Variants in TAS2R1 observed in about 807,000 individuals in gnomAD.
The protein encoded by TAS2R1 is taste 2 receptor member 1.
For missense variants in TAS2R1, 370 were observed against 353.4 expected (o/e 1.05, Z -0.38); for synonymous variants, 141 against 134.2 (o/e 1.05, Z -0.35).
upstream of TAS2R1, among the ~76,000 whole-genome samples, chr5:9,634,294 G>C (rs143759205): frequency 7.2e-3 from 1,091 of 152,120 alleles, 20 homozygotes; most frequent in African/African-American, 0.025. Context: ...TGTTCCATTG[G>C]TCTATGTGCC....
At chr5:9,814,567 A>G in the TAS2R1 span, among the ~76,000 whole-genome samples, 1 of 152,204 alleles carries the variant, frequency 6.6e-6, no homozygotes, top group Non-Finnish European at 1.5e-5. Context: ...GCATTTGTCT[A>G]CAAATGCAAG....
the TAS2R1 span, among the ~76,000 whole-genome samples, chr5:9,818,749 C>A: frequency 0.024 from 3,639 of 152,272 alleles, 60 homozygotes; most frequent in Non-Finnish European, 0.037. Flanking sequence ...CATCCTGGAC[C>A]CAAGGGGTGG....
At chr5:9,776,417 T>C in the TAS2R1 span, among the ~76,000 whole-genome samples, 642 of 152,294 alleles carry the variant, frequency 4.2e-3, 5 homozygotes, top group African/African-American at 0.015. Context: ...GTGTGATCGC[T>C]CCTGTGACTT....
chr5:9,836,665 T>C, the TAS2R1 span, among the ~76,000 whole-genome samples: 9,120 of 152,210 alleles, frequency 0.06, 651 homozygotes, highest in East Asian at 0.23. Flanking sequence ...AGTGAGATAA[T>C]AGTAGAATTA....
the TAS2R1 span, among the ~76,000 whole-genome samples, chr5:9,761,995 C>T: frequency 6.6e-6 from 1 of 152,160 alleles, no homozygotes; most frequent in East Asian, 1.9e-4. Flanking sequence ...GTCATGGCGT[C>T]CCCACGAGCC....
the TAS2R1 span, among the ~76,000 whole-genome samples, chr5:9,790,909 G>A: frequency 9.9e-5 from 15 of 152,174 alleles, no homozygotes; most frequent in East Asian, 2.3e-3. Flanking sequence ...CAAAGTGCTG[G>A]GATTACAGGC....
the TAS2R1 span, among the ~76,000 whole-genome samples, chr5:9,851,820 A>G: frequency 6.6e-6 from 1 of 152,188 alleles, no homozygotes; most frequent in Non-Finnish European, 1.5e-5. Context: ...AGCCTTAAAG[A>G]CTTCAAGCTT....
the TAS2R1 span, among the ~76,000 whole-genome samples, chr5:9,776,217 C>T: frequency 6.6e-6 from 1 of 152,168 alleles, no homozygotes; most frequent in African/African-American, 2.4e-5. Flanking sequence ...TCCACTGTGA[C>T]AGGGCAGCAC....
intron 1 of TAS2R1, among the ~76,000 whole-genome samples, chr5:9,708,652 C>T (rs1741672257): frequency 6.6e-6 from 1 of 151,762 alleles, no homozygotes; most frequent in Admixed American, 6.6e-5. Context: ...ACGCCCTCTT[C>T]CTTTCATAGT....
intron 1 of TAS2R1, among the ~76,000 whole-genome samples, chr5:9,710,265 T>G (rs1275938236): frequency 6.6e-6 from 1 of 152,066 alleles, no homozygotes; most frequent in Non-Finnish European, 1.5e-5. Flanking sequence ...ACAAAGAGTA[T>G]GCTCTCCAAC....
At chr5:9,637,559 C>T (rs552271745) in intron 2 of TAS2R1, among the ~76,000 whole-genome samples, 16 of 152,220 alleles carry the variant, frequency 1.1e-4, no homozygotes, top group Non-Finnish European at 1.2e-4. Flanking sequence ...CTCAGAAACA[C>T]CAATTATTCT....
At chr5:9,876,726 T>G in the TAS2R1 span, among the ~76,000 whole-genome samples, 1 of 152,158 alleles carries the variant, frequency 6.6e-6, no homozygotes, top group East Asian at 1.9e-4. Flanking sequence ...CTTCTTAATT[T>G]TAAAAATTAT....
intron 1 of TAS2R1, among the ~76,000 whole-genome samples, chr5:9,688,858 C>T (rs773482201): frequency 3.9e-5 from 6 of 152,050 alleles, no homozygotes; most frequent in South Asian, 4.1e-4. Context: ...CACACCAGGG[C>T]GGGAATGGAG....
chr5:9,784,423 C>A, the TAS2R1 span, among the ~76,000 whole-genome samples: 1 of 152,212 alleles, frequency 6.6e-6, no homozygotes. Context: ...TCCCCAGCAG[C>A]TGGCATGAGG....
chr5:9,858,019 G>A, the TAS2R1 span, among the ~76,000 whole-genome samples: 5 of 152,130 alleles, frequency 3.3e-5, no homozygotes, highest in Admixed American at 6.5e-5. Context: ...GTCTGGGGCT[G>A]TAGGGGCCAT....
chr5:9,858,684 C>G, the TAS2R1 span, among the ~76,000 whole-genome samples: 3 of 152,146 alleles, frequency 2.0e-5, no homozygotes, highest in African/African-American at 7.2e-5. Flanking sequence ...AGATTAGTCT[C>G]TGGGAGGACA....
At chr5:9,720,500 G>A in the TAS2R1 span, among the ~76,000 whole-genome samples, 4 of 152,344 alleles carry the variant, frequency 2.6e-5, no homozygotes, top group African/African-American at 7.2e-5. Context: ...ACATTCCTTA[G>A]GCCAAAGAAA....
chr5:9,791,407 G>A, the TAS2R1 span, among the ~76,000 whole-genome samples: 1 of 152,158 alleles, frequency 6.6e-6, no homozygotes, highest in African/African-American at 2.4e-5. Flanking sequence ...TTTTAAAAAT[G>A]CTGAAACCGG....
intron 1 of TAS2R1, among the ~76,000 whole-genome samples, chr5:9,702,087 A>T (rs987057615): frequency 6.6e-6 from 1 of 152,168 alleles, no homozygotes; most frequent in Non-Finnish European, 1.5e-5. Context: ...TCATTTCTCC[A>T]AGTCAGTCAG....
Sources: gnomAD v4.1 joint callset for allele counts (sites outside exome capture counted in the v4.1 genomes callset) on GRCh38, gnomAD v4.1.1 for gene constraint, MANE v1.5 for transcripts, NCBI Gene and HGNC (gene_info 2026-07-23, HGNC 2026-07-21) for gene names.